FAM193A: variants seen among roughly 807,000 people sequenced by gnomAD.
FAM193A encodes the protein protein FAM193A.
A neutral mutation model predicts 126.5 loss-of-function variants in FAM193A; 22 were observed. That is an observed-to-expected ratio of 0.17 (90% CI 0.12 to 0.25). The LOEUF is 0.25. Ranked by LOEUF, FAM193A falls within the 10% of genes least tolerant of loss-of-function variation. The probability of loss-of-function intolerance (pLI) is 1.00; values close to 1 mark genes in which losing one functional copy is unlikely to be tolerated. For synonymous variants in FAM193A, 761 were observed against 646.8 expected, an observed-to-expected ratio of 1.18 and a Z score of -2.68; for missense variants, 1,675 against 1,672.8, an observed-to-expected ratio of 1.00 and a Z score of -0.02.
rs372380551 is a variant in FAM193A at position 2,728,164 on chromosome 4, C to T, written c.4455-3611C>T. 6.0e-4 allele frequency among the ~76,000 whole-genome samples: 90 copies of T among 149,812 alleles called. No individual in the cohort carries two copies. In the East Asian group the frequency reaches 0.01, roughly 17 times the overall value. On this transcript the variant is annotated intron_variant, in intron 20 of 20. Transcript: ENST00000637812. The stretch of plus-strand genomic sequence containing the variant: ...CAGGCTGGTCTCGAACTCCCGACCT[C>T]GGGTGATCTGCCCACCTTACCTCGG...
At chr4:2,730,056 G>A (rs1433587843) in intron 20 of FAM193A, among the ~76,000 whole-genome samples, 1 of 152,106 alleles carries the variant, frequency 6.6e-6, no homozygotes, top group African/African-American at 2.4e-5. Flanking sequence ...GCACATATGT[G>A]TACTGCCACT....
rs958538715 is a variant in FAM193A at position 2,689,408 on chromosome 4, A to G, written c.2332-98A>G. On this transcript the variant is annotated intron_variant, in intron 13 of 20. Transcript: ENST00000637812. ...GCTCAGCTCATGGCGAGCACATCCC[A>G]TGAGGCTCATAATGAATTGTCTGTC... 3.5e-6 allele frequency: 3 copies of G among 847,466 alleles called. No homozygotes were observed. In the African/African-American group the frequency reaches 5.4e-5, roughly 15 times the overall value. The allele number at this position is 847,466 out of a possible 1,614,324, so 52.5% of individuals were successfully genotyped here.
intron 1 of FAM193A, among the ~76,000 whole-genome samples, chr4:2,547,855 A>G (rs1485074220): frequency 6.7e-6 from 1 of 148,320 alleles, no homozygotes; most frequent in Non-Finnish European, 1.5e-5. Flanking sequence ...GAACTCTTGA[A>G]CTTAAGTGAT....
At chr4:2,593,997 G>A (rs928712019) in intron 1 of FAM193A, among the ~76,000 whole-genome samples, 4 of 152,080 alleles carry the variant, frequency 2.6e-5, no homozygotes, top group Admixed American at 6.5e-5. Context: ...GAGGTAGGAC[G>A]CAGTTGTCTG....
intron 2 of FAM193A, among the ~76,000 whole-genome samples, chr4:2,601,136 A>G (rs1237734605): frequency 6.6e-6 from 1 of 151,528 alleles, no homozygotes; most frequent in Non-Finnish European, 1.5e-5. Flanking sequence ...AACAAGAAAA[A>G]TTGGCAGAGT....
chr4:2,672,205 G>C lies in FAM193A; in HGVS notation c.2164G>C (p.Ala722Pro). 6.2e-7 allele frequency: 1 copy of C among 1,614,130 alleles called. No individual in the cohort carries two copies. Among genetic ancestry groups the C allele is most frequent in the Non-Finnish European group, 8.5e-7 (1 of 1,180,038 alleles). Residue 722 changes from alanine to proline, a missense_variant, in exon 13 of 21, where the codon GCC becomes CCC. Physicochemically the swap from Ala to Pro is conservative, Grantham distance 27 (BLOSUM62 -1). Around this residue, in one of 4 missense-constraint regions of FAM193A, gnomAD observed 1,186 missense variants for 1,109.2 expected, o/e 1.07. Transcript: ENST00000637812. ...GLTPSAMTAG[A>P]LPPGHQFLSP... ...GACACCATCTGCAATGACAGCCGGAGCCCTTCCTCCTGGCCATCAGTTCTT... is the reference window on the plus strand; with the variant it reads ...GACACCATCTGCAATGACAGCCGGACCCCTTCCTCCTGGCCATCAGTTCTT...
At chr4:2,624,401 C>T (rs985799087) in intron 2 of FAM193A, among the ~76,000 whole-genome samples, 1 of 152,224 alleles carries the variant, frequency 6.6e-6, no homozygotes, top group African/African-American at 2.4e-5. Context: ...GCCTCGGCCT[C>T]CCAAAGTGCT....
chr4:2,603,934 C>T (rs940012086), intron 2 of FAM193A, among the ~76,000 whole-genome samples: 5 of 152,092 alleles, frequency 3.3e-5, no homozygotes, highest in Non-Finnish European at 7.3e-5. Flanking sequence ...CCTCTGCCTT[C>T]TGGGTTCAAG....
At chr4:2,633,893 C>CA (rs540771895) in intron 5 of FAM193A, among the ~76,000 whole-genome samples, 43 of 151,704 alleles carry the variant, frequency 2.8e-4, no homozygotes, top group African/African-American at 5.6e-4. Context: ...AACTCCGTCT[C>CA]AAAAAAAAGA....
intron 3 of FAM193A, among the ~76,000 whole-genome samples, chr4:2,625,719 C>CTTT (rs35220520): frequency 3.8e-4 from 30 of 79,294 alleles, no homozygotes; most frequent in Non-Finnish European, 5.4e-4. Flanking sequence ...TGGAGCTCAT[C>CTTT]TTTTTTTTTT....
rs142162515 is a variant in FAM193A at position 2,573,247 on chromosome 4, T to C, written c.256-22837T>C. Among the ~76,000 whole-genome samples, 342 of 152,216 alleles carry C rather than the reference T, an allele frequency of 2.2e-3. 1 individual carries two copies. The highest frequency in any genetic ancestry group is 7.9e-3 in the African/African-American group (327 of 41,536). ...AGCCCATGAGGCCAGGTGCAGTGGC[T>C]CACACCTGTAATCCCAGCACTTTGG... On this transcript the variant is annotated intron_variant, in intron 1 of 20. Transcript: ENST00000637812.
At chr4:2,585,423 G>T (rs1740179125) in intron 1 of FAM193A, among the ~76,000 whole-genome samples, 1 of 151,668 alleles carries the variant, frequency 6.6e-6, no homozygotes, top group African/African-American at 2.4e-5. Flanking sequence ...CTCTCTGGTG[G>T]GTAAATGGTG....
At chr4:2,645,788 A>C (rs184336042) in intron 6 of FAM193A, among the ~76,000 whole-genome samples, 1 of 152,126 alleles carries the variant, frequency 6.6e-6, no homozygotes, top group Non-Finnish European at 1.5e-5. Context: ...AGGCCTCCCA[A>C]AGTGCTGGGA....
At chr4:2,646,622 T>C in intron 6 of FAM193A, 63 bp from the exon 7 acceptor site, 4 of 1,499,402 alleles carry the variant, frequency 2.7e-6, no homozygotes, top group Non-Finnish European at 3.6e-6. Flanking sequence ...GGAAGCACAT[T>C]TCTGATCTCT....
Position 2,714,187 on chromosome 4 carries a change from CCT to C in FAM193A, c.4373-1830_4373-1829del, listed in dbSNP as rs148548071. Among the ~76,000 whole-genome samples, 627 of 152,194 alleles carry C rather than the reference CCT, an allele frequency of 4.1e-3. 6 individuals carry two copies. The highest frequency in any genetic ancestry group is 0.014 in the African/African-American group (576 of 41,532). ...TTTGTACATCTGTAAATGCTCCGGCCCTCTCTCACCCTTGCTTGTGCATCAGT... is the reference window on the plus strand; with the variant it reads ...TTTGTACATCTGTAAATGCTCCGGCCCTCTCACCCTTGCTTGTGCATCAGT... On this transcript the variant is annotated intron_variant, in intron 19 of 20. Transcript: ENST00000637812.
intron 5 of FAM193A, among the ~76,000 whole-genome samples, chr4:2,635,660 A>G (rs753809782): frequency 3.5e-4 from 53 of 151,906 alleles, no homozygotes; most frequent in Non-Finnish European, 6.2e-4. Flanking sequence ...AGCCTCCCAA[A>G]TAACTGGGAT....
intron 20 of FAM193A, among the ~76,000 whole-genome samples, chr4:2,725,159 G>A (rs1244185454): frequency 2.0e-5 from 3 of 151,986 alleles, no homozygotes; most frequent in African/African-American, 4.8e-5. Flanking sequence ...GATTACAGGC[G>A]TGAGCCACCA....
intron 1 of FAM193A, among the ~76,000 whole-genome samples, chr4:2,558,343 A>G (rs1375291144): frequency 6.6e-6 from 1 of 152,176 alleles, no homozygotes; most frequent in African/African-American, 2.4e-5. Flanking sequence ...AATACTTGGT[A>G]ATTATTTCAC....
chr4:2,655,162 C>T, intron 7 of FAM193A: 1 of 674,658 alleles, frequency 1.5e-6, no homozygotes, highest in African/African-American at 1.8e-5. Context: ...TGATGCTTGC[C>T]ATACAGACTT....
Sources: allele counts gnomAD v4.1 joint callset (sites outside exome capture counted in the v4.1 genomes callset), GRCh38; gene constraint gnomAD v4.1.1; regional missense constraint gnomAD v4.1.1; transcripts MANE v1.5; gene names NCBI Gene and HGNC (gene_info 2026-07-23, HGNC 2026-07-21).